ZHX3: variants seen among roughly 807,000 people sequenced by gnomAD.
ZHX3 encodes the protein zinc fingers and homeoboxes 3.
Under a neutral mutation model 64.5 loss-of-function variants are expected in ZHX3, and 20 were observed. That is an observed-to-expected ratio of 0.31 (90% CI 0.22 to 0.45). The LOEUF (loss-of-function observed/expected upper bound fraction) is 0.45, where lower values mean the gene tolerates loss of function less well. Among genes scored for constraint, ZHX3 ranks in the 20% least tolerant of loss-of-function variants. The pLI is 1.00. For missense variants in ZHX3, 1,041 were observed against 1,195.8 expected, an observed-to-expected ratio of 0.87 and a Z score of 1.91; for synonymous variants, 423 against 461.6, an observed-to-expected ratio of 0.92 and a Z score of 1.07.
intron 2 of ZHX3, chr20:41,238,783 A>G (rs2041179320): frequency 6.6e-6 from 1 of 152,072 alleles, no homozygotes; most frequent in Non-Finnish European, 1.5e-5. Flanking sequence ...GTCTTGGTCC[A>G]TGGGTTAGAA....
intron 1 of ZHX3, among the ~76,000 whole-genome samples, chr20:41,312,003 G>C (rs2045151166): frequency 6.6e-6 from 1 of 152,136 alleles, no homozygotes; most frequent in Admixed American, 6.5e-5. Flanking sequence ...CTCTATTGGG[G>C]GAGTAGACAA....
chr20:41,201,356 G>T lies in ZHX3; in HGVS notation c.2860+701C>A, dbSNP rs866229515. 5.4e-6 allele frequency: 7 copies of T among 1,304,744 alleles called. No homozygotes were observed. Among genetic ancestry groups the T allele is most frequent in the Middle Eastern group, 2.1e-4 (1 of 4,688 alleles). The allele number at this position is 1,304,744 out of a possible 1,614,324, so 80.8% of individuals were successfully genotyped here. A position where few individuals can be genotyped will look rare whatever the true frequency, so the allele number is the denominator to read the frequency against. On this transcript the variant is annotated intron_variant, in intron 3 of 3. Coordinates refer to ENST00000683867, the MANE Select transcript of ZHX3 (RefSeq NM_001384317.1). The surrounding 1 kb of genome is among the most constrained non-coding windows in gnomAD (Gnocchi z 5.0). ...AATGTCAAAGGGTAAGGAGGGAAGG[G>T]AGAGGCTGGGAACTCAGTGACCAGG...
intron 2 of ZHX3, among the ~76,000 whole-genome samples, chr20:41,222,607 G>T (rs971107171): frequency 3.9e-5 from 6 of 152,144 alleles, no homozygotes; most frequent in African/African-American, 1.4e-4. Flanking sequence ...CAAATCTAGG[G>T]TATTATAAGA....
At chr20:41,262,981 T>C (rs915908979) in intron 2 of ZHX3, among the ~76,000 whole-genome samples, 1 of 152,232 alleles carries the variant, frequency 6.6e-6, no homozygotes, top group Admixed American at 6.5e-5. Context: ...ACTAAGAGAT[T>C]TGAAAGATTG....
chr20:41,238,440 A>G (rs1217487724), intron 2 of ZHX3, among the ~76,000 whole-genome samples: 3 of 152,230 alleles, frequency 2.0e-5, no homozygotes, highest in African/African-American at 7.2e-5. Flanking sequence ...GAAGGAAAAG[A>G]AGGAGGGACA....
At chr20:41,299,209 T>C (rs563073249) in intron 1 of ZHX3, among the ~76,000 whole-genome samples, 2 of 152,364 alleles carry the variant, frequency 1.3e-5, no homozygotes, top group East Asian at 3.9e-4. Flanking sequence ...GGCAGTCTTA[T>C]TCCATTTGAG....
intron 1 of ZHX3, among the ~76,000 whole-genome samples, chr20:41,309,074 C>T (rs575804525): frequency 6.6e-6 from 1 of 152,124 alleles, no homozygotes; most frequent in South Asian, 2.1e-4. Flanking sequence ...ATGTTTTTCT[C>T]TATAATAAAT....
intron 2 of ZHX3, among the ~76,000 whole-genome samples, chr20:41,255,581 T>C (rs2146532329): frequency 6.6e-6 from 1 of 152,282 alleles, no homozygotes; most frequent in Middle Eastern, 3.4e-3. Flanking sequence ...ACTGCACTCT[T>C]TATATAGAGA....
At chr20:41,218,360 C>A (rs2039695488) in intron 2 of ZHX3, among the ~76,000 whole-genome samples, 1 of 151,792 alleles carries the variant, frequency 6.6e-6, no homozygotes. Flanking sequence ...CGGATGACTG[C>A]TTAAGCCTGG....
At chr20:41,259,305 G>A (rs550145617) in intron 2 of ZHX3, among the ~76,000 whole-genome samples, 2 of 152,130 alleles carry the variant, frequency 1.3e-5, no homozygotes, top group Non-Finnish European at 2.9e-5. Flanking sequence ...ACGACATTTT[G>A]CATACAACTA....
chr20:41,256,159 T>C (rs2042239884), intron 2 of ZHX3, among the ~76,000 whole-genome samples: 1 of 152,214 alleles, frequency 6.6e-6, no homozygotes, highest in Non-Finnish European at 1.5e-5. Context: ...CAAGCCTTTT[T>C]AGCAGAGGCA....
intron 2 of ZHX3, among the ~76,000 whole-genome samples, chr20:41,255,510 A>T (rs1248020679): frequency 1.3e-5 from 2 of 152,212 alleles, no homozygotes; most frequent in East Asian, 3.8e-4. Flanking sequence ...CAAATTAATT[A>T]TATCAACCAG....
chr20:41,232,315 T>TA lies in ZHX3; in HGVS notation c.-150-27250dup, dbSNP rs1442873979. Reference sequence around the variant, plus strand: ...TAAAAAAAAAAAAAAGGTCTAGTTTTAAACAAAGAACTCAATGGTTAAGAA... The same window carrying TA: ...TAAAAAAAAAAAAAAGGTCTAGTTTTAAAACAAAGAACTCAATGGTTAAGAA... On this transcript the variant is annotated intron_variant, in intron 2 of 3. Coordinates refer to ENST00000683867, the MANE Select transcript of ZHX3 (RefSeq NM_001384317.1). The surrounding 1 kb of genome is among the most constrained non-coding windows in gnomAD (Gnocchi z 5.0). Among the ~76,000 whole-genome samples, 1 of 152,034 alleles carries TA rather than the reference T, an allele frequency of 6.6e-6. No individual in the cohort carries two copies. The highest frequency in any genetic ancestry group is 1.5e-5 in the Non-Finnish European group (1 of 67,990).
At chr20:41,294,179 G>A (rs2044386263) in intron 1 of ZHX3, among the ~76,000 whole-genome samples, 1 of 152,172 alleles carries the variant, frequency 6.6e-6, no homozygotes, top group Non-Finnish European at 1.5e-5. Flanking sequence ...CAGGGCTAGA[G>A]GATGCTTGGG....
intron 2 of ZHX3, among the ~76,000 whole-genome samples, chr20:41,257,327 A>G (rs770885221): frequency 5.4e-4 from 82 of 152,292 alleles, no homozygotes; most frequent in Middle Eastern, 6.8e-3. Context: ...CTGCTATCAT[A>G]GCCTCATAAA....
chr20:41,204,817 G>T lies in ZHX3; in HGVS notation c.100C>A (p.Pro34Thr), dbSNP rs1160116597. 5 of 1,611,774 alleles carry T rather than the reference G, an allele frequency of 3.1e-6. No individual in the cohort carries two copies. Among genetic ancestry groups the T allele is most frequent in the Non-Finnish European group, 3.4e-6 (4 of 1,178,622 alleles). Residue 34 changes from proline (P) to threonine (T), a missense_variant, in exon 3 of 4, where the codon CCT becomes ACT. This residue lies in a region of ZHX3 where 358 missense variants were observed against 369.1 expected (regional missense o/e 0.97). Coordinates refer to ENST00000683867, the MANE Select transcript of ZHX3 (RefSeq NM_001384317.1). The surrounding 1 kb of genome is among the most constrained non-coding windows in gnomAD (Gnocchi z 6.6). ...GGCAGATCCTGCTGGGGTCCTTCAG[G>T]CAAGGTCTCAGCGGGCTGGGCCTCC... ...SMEAQPAETL[P>T]EGPQQDLPPE...
At position 41,180,640 on chromosome 20, in the gene ZHX3, C is replaced by T. The variant is rs1254099314; in HGVS notation, c.*4551G>A. Reference sequence around the variant, plus strand: ...CAGACGCTCTCTGTACTCCCATTAACTTCACAACCAAGTGCAGACGCTCGG... The same window carrying T: ...CAGACGCTCTCTGTACTCCCATTAATTTCACAACCAAGTGCAGACGCTCGG... On this transcript the variant is annotated 3_prime_UTR_variant, in exon 4 of 4. Coordinates refer to ENST00000683867, the MANE Select transcript of ZHX3 (RefSeq NM_001384317.1). 1 of 152,294 alleles carries T rather than the reference C, an allele frequency of 6.6e-6. No homozygotes were observed. The highest frequency in any genetic ancestry group is 1.5e-5 in the Non-Finnish European group (1 of 68,088). 9.4% of individuals were successfully genotyped at this position (152,294 alleles called of 1,614,324 possible).
rs1426323294 is a variant in ZHX3 at position 41,317,605 on chromosome 20, C to G, written c.-341G>C. The stretch of plus-strand genomic sequence containing the variant: ...GCCGGGCGGGCGGCCGGCGCAGGCC[C>G]CGCAGAGGCGGCGGCGGCGGCGACG... On this transcript the variant is annotated 5_prime_UTR_variant, in exon 1 of 4. Transcript: ENST00000683867. The G allele has an allele frequency of 1.4e-5, 2 of 148,006 alleles. No homozygotes were observed. The highest frequency in any genetic ancestry group is 3.0e-5 in the Non-Finnish European group (2 of 66,432). 9.2% of individuals were successfully genotyped at this position (148,006 alleles called of 1,614,324 possible).
At chr20:41,298,151 G>A (rs2044632390) in intron 1 of ZHX3, among the ~76,000 whole-genome samples, 2 of 152,098 alleles carry the variant, frequency 1.3e-5, no homozygotes, top group Non-Finnish European at 2.9e-5. Context: ...TGTACACAGA[G>A]CATTACCCAG....
Sources: gnomAD v4.1 joint callset for allele counts (sites outside exome capture counted in the v4.1 genomes callset) on GRCh38, gnomAD v4.1.1 for gene constraint, gnomAD v4.1.1 regional missense constraint, Gnocchi (gnomAD v3.1) non-coding constraint, MANE v1.5 for transcripts, NCBI Gene and HGNC (gene_info 2026-07-23, HGNC 2026-07-21) for gene names.